DSC2: variants seen among roughly 807,000 people sequenced by gnomAD.
DSC2 encodes desmocollin 2, also known as desmocollin-2.
DSC2 carries 51 observed loss-of-function variants against 87.6 expected under a neutral mutation model. The observed-to-expected ratio is 0.58, with a 90% CI of 0.46 to 0.74. The LOEUF is 0.74. Ranked by LOEUF, DSC2 falls within the 30% of genes least tolerant of loss-of-function variation. DSC2 has a pLI of 0.00. For missense variants in DSC2, 1,066 were observed against 1,089.5 expected (o/e 0.98, Z 0.30); for synonymous variants, 383 against 393.2 (o/e 0.97, Z 0.31).
intron 6 of DSC2, 59 bp from the exon 7 acceptor site, chr18:31,086,801 A>G: frequency 1.3e-6 from 2 of 1,559,226 alleles, no homozygotes; most frequent in Non-Finnish European, 1.7e-6. Context: ...TGTTCCCTTT[A>G]TTTCATTCCT....
intron 11 of DSC2, among the ~76,000 whole-genome samples, chr18:31,076,783 G>A (rs145918307): frequency 3.2e-4 from 48 of 152,160 alleles, no homozygotes; most frequent in African/African-American, 1.1e-3. Flanking sequence ...AAAAATCCAC[G>A]GCATACACAT....
Position 31,102,156 on chromosome 18 carries a change from G to A in DSC2, c.-185C>T. 2.0e-6 allele frequency: 1 copy of A among 498,314 alleles called. No individual in the cohort carries two copies. Among genetic ancestry groups the A allele is most frequent in the South Asian group, 3.6e-5 (1 of 28,064 alleles). The allele number at this position is 498,314 out of a possible 1,614,324, so 30.9% of individuals were successfully genotyped here. ...CTGAAGCGCCTGCCTCTCATCCAAGGGGCTTTTCCTTTGGCGGAGGGAGGG... is the reference window on the plus strand; with the variant it reads ...CTGAAGCGCCTGCCTCTCATCCAAGAGGCTTTTCCTTTGGCGGAGGGAGGG... On this transcript the variant is annotated 5_prime_UTR_variant, in exon 1 of 16. Transcript: ENST00000280904.
Position 31,087,591 on chromosome 18 carries a change from C to T in DSC2, c.775+78G>A. The T allele has an allele frequency of 2.0e-6, 3 of 1,505,620 alleles. No homozygotes were observed. The South Asian group carries it at 3.4e-5, about 17-fold the overall frequency. The allele number at this position is 1,505,620 out of a possible 1,614,324, so 93.3% of individuals were successfully genotyped here. A position where few individuals can be genotyped will look rare whatever the true frequency, so the allele number is the denominator to read the frequency against. Reference sequence around the variant, plus strand: ...TTCTTGCTGCTGGGATACGCTGCTTCTCAACGGACATAGTGAAACTAAATG... The same window carrying T: ...TTCTTGCTGCTGGGATACGCTGCTTTTCAACGGACATAGTGAAACTAAATG... On this transcript the variant is annotated intron_variant, in intron 6 of 15. Transcript: ENST00000280904.
At chr18:31,069,302 T>G in intron 14 of DSC2, 151 bp from the exon 15 acceptor site, 4 of 1,013,908 alleles carry the variant, frequency 3.9e-6, no homozygotes, top group Non-Finnish European at 5.8e-6. Context: ...TTGTGAATCC[T>G]GCATACCCAA....
intron 8 of DSC2, 24 bp downstream of exon 8, chr18:31,082,902 C>T: frequency 6.2e-7 from 1 of 1,611,214 alleles, no homozygotes; most frequent in Non-Finnish European, 8.5e-7. Flanking sequence ...ATACATTTTT[C>T]TTTAATTAAT....
In DSC2 at chr18:31,068,897, A is replaced by C. The variant is rs1425851133; in HGVS notation, c.2505T>G (p.Gly835=). 2 of 1,613,298 alleles carry C rather than the reference A, an allele frequency of 1.2e-6. No individual in the cohort carries two copies. Among genetic ancestry groups the C allele is most frequent in the Admixed American group, 1.7e-5 (1 of 60,016 alleles). The change falls in exon 15 of 16, where the codon GGT becomes GGG. Residue 835 remains glycine (G), a synonymous_variant. Transcript: ENST00000280904. ...EWHSFTQPRL[G]EKVYLCNQDE... ...TAGGCCACTTAGGAAAACTCACTTC[A>C]CCAAGACGGGGCTGAGTAAAACTGT...
chr18:31,074,938 T>TTTAC, intron 11 of DSC2, 31 bp from the exon 12 acceptor site: 1 of 1,577,946 alleles, frequency 6.3e-7, no homozygotes, highest in Non-Finnish European at 8.6e-7. Flanking sequence ...ATAGTTTTTC[T>TTTAC]ATGTTTTGAG....
chr18:31,102,099 G>C lies in DSC2; in HGVS notation c.-128C>G. The C allele has an allele frequency of 1.3e-6, 1 of 772,268 alleles. No individual in the cohort carries two copies. The highest frequency in any genetic ancestry group is 1.9e-6 in the Non-Finnish European group (1 of 532,892). 47.8% of individuals were successfully genotyped at this position (772,268 alleles called of 1,614,324 possible). A position where few individuals can be genotyped will look rare whatever the true frequency, so the allele number is the denominator to read the frequency against. On this transcript the variant is annotated 5_prime_UTR_variant, in exon 1 of 16. Coordinates refer to ENST00000280904, the MANE Select transcript of DSC2 (RefSeq NM_024422.6). ...GGAGGAGCGCGAGGCGGAGGAGGTG[G>C]GGCGCGCGGAGAGGTGCTTTTCTTA...
intron 9 of DSC2, among the ~76,000 whole-genome samples, chr18:31,080,982 TAAG>T (rs1987201249): frequency 6.6e-6 from 1 of 152,170 alleles, no homozygotes. Context: ...AAATTTAAGA[TAAG>T]TAGTATAACA....
intron 11 of DSC2, among the ~76,000 whole-genome samples, chr18:31,078,206 G>A (rs926866437): frequency 3.9e-5 from 6 of 152,086 alleles, no homozygotes; most frequent in Non-Finnish European, 7.4e-5. Flanking sequence ...TTAGAAAAAG[G>A]TTTTTCAAAA....
chr18:31,079,717 T>C (rs1045233460), intron 11 of DSC2, 130 bp downstream of exon 11: 7 of 1,030,378 alleles, frequency 6.8e-6, no homozygotes, highest in Admixed American at 2.1e-5. Flanking sequence ...GTAAACCTCT[T>C]ACTTTATATT....
In DSC2 at chr18:31,099,074, A is replaced by G. The variant is rs187256757; in HGVS notation, c.69+2829T>C. ...GAAAAACAACATTGTTTGGGAAGAT[A>G]ATAAATGCTGTGTCACACATCACAG... On this transcript the variant is annotated intron_variant, in intron 1 of 15. Transcript: ENST00000280904. 4.5e-4 allele frequency among the ~76,000 whole-genome samples: 69 copies of G among 152,354 alleles called. No homozygotes were observed. The South Asian group carries it at 0.011, about 24-fold the overall frequency.
chr18:31,073,356 C>A (rs1162864288), intron 12 of DSC2, among the ~76,000 whole-genome samples: 2 of 135,060 alleles, frequency 1.5e-5, no homozygotes, highest in Non-Finnish European at 3.1e-5. Context: ...AAACTGATAA[C>A]CCCGATACAC....
intron 6 of DSC2, 59 bp downstream of exon 6, chr18:31,087,610 C>G (rs914777290): frequency 6.4e-7 from 1 of 1,565,416 alleles, no homozygotes; most frequent in Non-Finnish European, 8.7e-7. Flanking sequence ...CATAGTGAAA[C>G]TAAATGTATG....
intron 11 of DSC2, among the ~76,000 whole-genome samples, chr18:31,078,076 G>A (rs1203629592): frequency 2.6e-5 from 4 of 152,172 alleles, no homozygotes; most frequent in Non-Finnish European, 5.9e-5. Flanking sequence ...AGCAATTGCT[G>A]CGGAGATGTA....
intron 5 of DSC2, among the ~76,000 whole-genome samples, chr18:31,088,891 C>T (rs542789198): frequency 4.6e-5 from 7 of 152,126 alleles, no homozygotes; most frequent in East Asian, 3.9e-4. Flanking sequence ...TGGCCGGGCA[C>T]GGTGGCTCAG....
At chr18:31,097,462 G>C (rs1015457733) in intron 1 of DSC2, among the ~76,000 whole-genome samples, 2 of 151,448 alleles carry the variant, frequency 1.3e-5, no homozygotes, top group Non-Finnish European at 2.9e-5. Flanking sequence ...TATCTATATC[G>C]ATTCTTACTA....
chr18:31,082,224 T>C lies in DSC2; in HGVS notation c.1263+14A>G. The stretch of plus-strand genomic sequence containing the variant: ...ATATTATAAACTACAAATAATGTTC[T>C]AATTTATTCTTACCTTAACTACACA... On this transcript the variant is annotated intron_variant, in intron 9 of 15. Transcript: ENST00000280904. 6.2e-7 allele frequency: 1 copy of C among 1,606,838 alleles called. No individual in the cohort carries two copies. Among genetic ancestry groups the C allele is most frequent in the Admixed American group, 1.7e-5 (1 of 59,864 alleles).
At chr18:31,090,017 G>T (rs146823867) in intron 4 of DSC2, among the ~76,000 whole-genome samples, 501 of 152,154 alleles carry the variant, frequency 3.3e-3, no homozygotes, top group Non-Finnish European at 5.8e-3. Context: ...CAAAAATGTG[G>T]ACAATAATTT....
Sources: allele counts gnomAD v4.1 joint callset (sites outside exome capture counted in the v4.1 genomes callset), GRCh38; gene constraint gnomAD v4.1.1; transcripts MANE v1.5; gene names NCBI Gene and HGNC (gene_info 2026-07-23, HGNC 2026-07-21).